The following GUCY2F variants were observed in gnomAD, a reference collection of about 807,000 sequenced individuals.
GUCY2F encodes the protein retinal guanylyl cyclase 2.
A neutral mutation model predicts 73.1 loss-of-function variants in GUCY2F; 61 were observed. That is an observed-to-expected ratio of 0.83 (90% CI 0.68 to 1.03). The LOEUF is 1.03. GUCY2F is among the 50% of genes least tolerant of loss of function. GUCY2F has a pLI of 0.00. For missense variants in GUCY2F, 912 were observed against 854.3 expected, an observed-to-expected ratio of 1.07 and a Z score of -0.84; for synonymous variants, 331 against 307.8, an observed-to-expected ratio of 1.08 and a Z score of -0.79.
chrX:109,453,768 GCA>G lies in GUCY2F; in HGVS notation c.1122_1123del (p.Ala375CysfsTer45), dbSNP rs1483849926. On this transcript the variant is annotated frameshift_variant, in exon 4 of 20. Coordinates refer to ENST00000218006, the MANE Select transcript of GUCY2F (RefSeq NM_001522.3). LOFTEE classifies it high-confidence loss of function. Reference sequence around the variant, plus strand: ...TCTGGAATGCTGAACCAGGCTGGCAGCACCAGCCTGTCCATTTTCTTTCATAG... The same window carrying G: ...TCTGGAATGCTGAACCAGGCTGGCAGCCAGCCTGTCCATTTTCTTTCATAG... 8.4e-7 allele frequency: 1 copy of G among 1,195,372 alleles called. No individual in the cohort carries two copies. Among genetic ancestry groups the G allele is most frequent in the African/African-American group, 1.7e-5 (1 of 57,541 alleles).
intron 15 of GUCY2F, 100 bp from the exon 16 acceptor site, chrX:109,385,382 A>G: frequency 2.2e-6 from 1 of 449,606 alleles, no homozygotes; most frequent in Non-Finnish European, 3.8e-6. Context: ...TTGTAAAAGA[A>G]TAAAAGTTGC....
chrX:109,460,637 T>C lies in GUCY2F; in HGVS notation c.1032+4505A>G, dbSNP rs543174459. Among the ~76,000 whole-genome samples, 14 of 111,629 alleles carry C rather than the reference T, an allele frequency of 1.3e-4. No homozygotes were observed. In the South Asian group the frequency reaches 5.2e-3, roughly 42 times the overall value. ...GGATGTGCTCCACAAAAATGACAGA[T>C]TAAACCAAGAATATAGGTCATGAGA... On this transcript the variant is annotated intron_variant, in intron 3 of 19. Coordinates refer to ENST00000218006, the MANE Select transcript of GUCY2F (RefSeq NM_001522.3).
intron 19 of GUCY2F, among the ~76,000 whole-genome samples, chrX:109,374,661 G>T (rs1282735310): frequency 9.0e-6 from 1 of 111,298 alleles, no homozygotes; most frequent in Non-Finnish European, 1.9e-5. Flanking sequence ...GAGAGTATGT[G>T]TCTGGATCTG....
At chrX:109,452,417 T>C (rs1036504211) in intron 4 of GUCY2F, among the ~76,000 whole-genome samples, 5 of 112,097 alleles carry the variant, frequency 4.5e-5, no homozygotes, top group African/African-American at 6.5e-5. Context: ...TTAATTTAAG[T>C]TGGACAGCAA....
rs773199927 is a variant in GUCY2F at position 109,465,256 on chromosome X, T to C, written c.918A>G (p.Glu306=). 3 of 1,209,602 alleles carry C rather than the reference T, an allele frequency of 2.5e-6. No homozygotes were observed. The highest frequency in any genetic ancestry group is 3.0e-5 in the East Asian group (1 of 33,845). ...TAATGGTCAACACTGCATCATAGGC[T>C]TCCCGGAGCTTTGGGTTGTTCCTTA... ...RVLRNNPKLR[E]AYDAVLTITV... The change falls in exon 3 of 20, where the codon GAA becomes GAG. Residue 306 remains glutamate, a synonymous_variant. Transcript: ENST00000218006.
chrX:109,414,641 G>C (rs1484327077), intron 8 of GUCY2F, among the ~76,000 whole-genome samples: 1 of 112,261 alleles, frequency 8.9e-6, no homozygotes, highest in African/African-American at 3.2e-5. Context: ...TTGCGACTCT[G>C]ACAAGTCCTA....
At chrX:109,387,329 G>A (rs945270230) in intron 15 of GUCY2F, among the ~76,000 whole-genome samples, 5 of 112,542 alleles carry the variant, frequency 4.4e-5, no homozygotes, top group African/African-American at 1.6e-4. Flanking sequence ...TAGGTCAATG[G>A]TGGTACCACC....
chrX:109,407,471 G>C (rs948409400), intron 9 of GUCY2F, among the ~76,000 whole-genome samples: 1 of 113,065 alleles, frequency 8.8e-6, no homozygotes, highest in African/African-American at 3.2e-5. Flanking sequence ...ATTTTTTTAG[G>C]AGAAATTCAA....
chrX:109,385,859 G>C (rs1009453747), intron 15 of GUCY2F, among the ~76,000 whole-genome samples: 4 of 112,332 alleles, frequency 3.6e-5, no homozygotes, highest in Non-Finnish European at 7.5e-5. Flanking sequence ...TAATATGGCT[G>C]TGTTAAGTGT....
At chrX:109,439,783 C>A (rs1931830572) in intron 7 of GUCY2F, among the ~76,000 whole-genome samples, 1 of 111,831 alleles carries the variant, frequency 8.9e-6, no homozygotes, top group African/African-American at 3.3e-5. Flanking sequence ...TCATTTCCAT[C>A]TAAGACTTCC....
chrX:109,412,337 G>T (rs1931131736), intron 8 of GUCY2F, among the ~76,000 whole-genome samples: 1 of 111,559 alleles, frequency 9.0e-6, no homozygotes, highest in Non-Finnish European at 1.9e-5. Context: ...TTACACTATA[G>T]GACTTAGAAT....
At chrX:109,452,225 C>T in intron 4 of GUCY2F, 118 bp from the exon 5 acceptor site, 2 of 492,633 alleles carry the variant, frequency 4.1e-6, no homozygotes, top group Non-Finnish European at 7.1e-6. Flanking sequence ...CCACATCTAC[C>T]TAACCTAATT....
At chrX:109,416,490 G>C (rs1303130692) in intron 8 of GUCY2F, among the ~76,000 whole-genome samples, 1 of 82,714 alleles carries the variant, frequency 1.2e-5, no homozygotes. Flanking sequence ...AAAATACCCA[G>C]TCTGAAAAAC....
At chrX:109,411,900 T>C (rs1247574012) in intron 8 of GUCY2F, among the ~76,000 whole-genome samples, 2 of 111,880 alleles carry the variant, frequency 1.8e-5, no homozygotes, top group South Asian at 3.8e-4. Flanking sequence ...CCTGCAATAA[T>C]AAGACTTAGA....
chrX:109,450,265 C>A (rs1347479475), intron 5 of GUCY2F, among the ~76,000 whole-genome samples: 2 of 111,599 alleles, frequency 1.8e-5, no homozygotes, highest in Non-Finnish European at 3.8e-5. Context: ...GCCCTTCAGC[C>A]CACAAGCTTC....
At chrX:109,442,657 A>G (rs1467394648) in intron 6 of GUCY2F, among the ~76,000 whole-genome samples, 1 of 111,566 alleles carries the variant, frequency 9.0e-6, no homozygotes, top group Non-Finnish European at 1.9e-5. Flanking sequence ...AGCTCCTTCT[A>G]TGAAGACTAT....
chrX:109,391,608 T>A (rs1930563577), intron 14 of GUCY2F, among the ~76,000 whole-genome samples: 1 of 111,777 alleles, frequency 8.9e-6, no homozygotes, highest in Admixed American at 9.5e-5. Context: ...CAGCCACTGA[T>A]GTGCAATAAC....
At chrX:109,460,051 GA>G (rs1265008416) in intron 3 of GUCY2F, among the ~76,000 whole-genome samples, 1 of 111,100 alleles carries the variant, frequency 9.0e-6, no homozygotes, top group Non-Finnish European at 1.9e-5. Flanking sequence ...AAAAGTGTTA[GA>G]ACACAAAGAT....
chrX:109,475,742 C>T lies in GUCY2F; in HGVS notation c.195G>A (p.Ser65=), dbSNP rs774838701. ...CCTCAGGCAGGGCCTTTGAAAACAGCGAATCACAAGCCCAAGGGCCCACCA... is the reference window on the plus strand; with the variant it reads ...CCTCAGGCAGGGCCTTTGAAAACAGTGAATCACAAGCCCAAGGGCCCACCA... ...IGVVGPWACD[S]LFSKALPEVA... is the part of the protein sequence containing the mutation. Residue 65 remains serine, a synonymous_variant, in exon 2 of 20, where the codon TCG becomes TCA. Transcript: ENST00000218006. 5.8e-6 allele frequency: 7 copies of T among 1,208,709 alleles called. No individual in the cohort carries two copies. Among genetic ancestry groups the T allele is most frequent in the Non-Finnish European group, 6.7e-6 (6 of 894,382 alleles).
Sources: allele counts gnomAD v4.1 joint callset (sites outside exome capture counted in the v4.1 genomes callset), GRCh38; gene constraint gnomAD v4.1.1; transcripts MANE v1.5; gene names NCBI Gene and HGNC (gene_info 2026-07-23, HGNC 2026-07-21).